The following PALM2AKAP2 variants were observed in gnomAD, a reference collection of about 807,000 sequenced individuals.
PALM2AKAP2 encodes PALM2-AKAP2 fusion protein.
In PALM2AKAP2, 37 loss-of-function variants were observed where a neutral mutation model predicts 71.5. That is an observed-to-expected ratio of 0.52 (90% confidence interval 0.40 to 0.68). PALM2AKAP2 has a LOEUF of 0.68. Ranked by LOEUF, PALM2AKAP2 falls within the 30% of genes least tolerant of loss-of-function variation. The pLI is 0.00. For synonymous variants in PALM2AKAP2, 468 were observed against 478.8 expected, an observed-to-expected ratio of 0.98 and a Z score of 0.29; for missense variants, 1,224 against 1,191.8, an observed-to-expected ratio of 1.03 and a Z score of -0.40.
intron 1 of PALM2AKAP2, among the ~76,000 whole-genome samples, chr9:109,758,312 ATGT>A (rs2118728146): frequency 6.6e-6 from 1 of 152,200 alleles, no homozygotes; most frequent in Non-Finnish European, 1.5e-5. Context: ...ACAGTGAATA[ATGT>A]TGTTCTCATA....
chr9:110,040,748 A>AAT (rs1833497641), intron 7 of PALM2AKAP2, among the ~76,000 whole-genome samples: 1 of 152,244 alleles, frequency 6.6e-6, no homozygotes, highest in South Asian at 2.1e-4. Context: ...AGAAAAATAC[A>AAT]TTTGCATCTA....
chr9:109,870,459 G>A (rs1489267228), intron 2 of PALM2AKAP2, among the ~76,000 whole-genome samples: 1 of 152,148 alleles, frequency 6.6e-6, no homozygotes. Context: ...TCTCCTGGTA[G>A]CCTGTTAGCC....
intron 1 of PALM2AKAP2, among the ~76,000 whole-genome samples, chr9:109,849,630 C>T (rs1415382360): frequency 6.6e-6 from 1 of 151,980 alleles, no homozygotes; most frequent in East Asian, 1.9e-4. Context: ...GTGGCGTGCA[C>T]CTGTAATCCC....
At chr9:110,017,970 C>A (rs997597788) in intron 7 of PALM2AKAP2, among the ~76,000 whole-genome samples, 5 of 152,106 alleles carry the variant, frequency 3.3e-5, no homozygotes, top group Non-Finnish European at 7.4e-5. Flanking sequence ...TCATGGTCCG[C>A]CTGCCTCAGC....
chr9:110,135,936 T>G (rs1452492685), intron 1 of PALM2AKAP2, among the ~76,000 whole-genome samples, 191 bp from the exon 8 acceptor site: 1 of 152,184 alleles, frequency 6.6e-6, no homozygotes, highest in Non-Finnish European at 1.5e-5. Flanking sequence ...AATCCATAAA[T>G]TAGAGAGGAT....
At chr9:109,962,587 A>G (rs1423408832) in intron 6 of PALM2AKAP2, among the ~76,000 whole-genome samples, 1 of 151,970 alleles carries the variant, frequency 6.6e-6, no homozygotes, top group Non-Finnish European at 1.5e-5. Flanking sequence ...TCTCATTCCT[A>G]TTCCTATTCC....
rs377394464 is a variant in PALM2AKAP2 at position 110,005,636 on chromosome 9, G to A, written c.497-10318G>A. Among the ~76,000 whole-genome samples the A allele has an allele frequency of 1.7e-4, 26 of 152,350 alleles. No individual in the cohort carries two copies. In the East Asian group the frequency reaches 1.7e-3, roughly 10 times the overall value. ...CCTGCCCCCAGAGGTGGAGTTTACA[G>A]AGGCAGGCAGGCCTCCTTGAGGTGC... On this transcript the variant is annotated intron_variant, in intron 6 of 9. Coordinates refer to the PALM2AKAP2 transcript ENST00000302798.
intron 1 of PALM2AKAP2, among the ~76,000 whole-genome samples, chr9:109,683,891 T>A (rs986342860): frequency 2.6e-5 from 4 of 152,100 alleles, no homozygotes; most frequent in Non-Finnish European, 4.4e-5. Context: ...TAGTGTATAT[T>A]GGTTATATTA....
chr9:109,890,313 A>AG (rs1159346501), intron 3 of PALM2AKAP2, among the ~76,000 whole-genome samples: 2 of 152,182 alleles, frequency 1.3e-5, no homozygotes, highest in African/African-American at 4.8e-5. Flanking sequence ...TGTAGGCCAC[A>AG]GGGAAGAGTA....
chr9:109,673,992 A>G (rs998086489), intron 1 of PALM2AKAP2, among the ~76,000 whole-genome samples: 1 of 151,796 alleles, frequency 6.6e-6, no homozygotes, highest in African/African-American at 2.4e-5. Flanking sequence ...TATGTTTGTC[A>G]TTTCATGTGA....
intron 1 of PALM2AKAP2, among the ~76,000 whole-genome samples, chr9:109,752,332 G>C (rs150259956): frequency 6.6e-6 from 1 of 152,118 alleles, no homozygotes; most frequent in Non-Finnish European, 1.5e-5. Flanking sequence ...ACTTTCACAT[G>C]CACAGGAATC....
At chr9:109,727,078 G>A (rs1828488027) in intron 1 of PALM2AKAP2, among the ~76,000 whole-genome samples, 1 of 152,202 alleles carries the variant, frequency 6.6e-6, no homozygotes, top group Non-Finnish European at 1.5e-5. Flanking sequence ...GAAATTTTGT[G>A]TCAACAGAGA....
chr9:110,032,847 A>G (rs1234077951), intron 7 of PALM2AKAP2, among the ~76,000 whole-genome samples: 1 of 152,004 alleles, frequency 6.6e-6, no homozygotes, highest in Admixed American at 6.6e-5. Flanking sequence ...CAGGTGGGAG[A>G]ATCACTTGAG....
intron 1 of PALM2AKAP2, among the ~76,000 whole-genome samples, chr9:110,091,035 A>G (rs954364652): frequency 9.9e-5 from 15 of 151,912 alleles, no homozygotes; most frequent in Non-Finnish European, 1.8e-4. Flanking sequence ...GAATGGCCTT[A>G]GGGTTTGAAA....
At chr9:109,977,658 G>T (rs1364827241) in intron 6 of PALM2AKAP2, among the ~76,000 whole-genome samples, 1 of 152,186 alleles carries the variant, frequency 6.6e-6, no homozygotes, top group African/African-American at 2.4e-5. Context: ...TGGAAAAACT[G>T]ACATTTACTG....
At chr9:110,111,602 G>A (rs1299584097) in intron 1 of PALM2AKAP2, among the ~76,000 whole-genome samples, 3 of 152,166 alleles carry the variant, frequency 2.0e-5, no homozygotes, top group African/African-American at 4.8e-5. Flanking sequence ...AAAATGAATT[G>A]CTAAGATGAG....
At chr9:109,867,300 C>T (rs1460121422) in intron 1 of PALM2AKAP2, 191 bp from the exon 2 acceptor site, 1 of 563,018 alleles carries the variant, frequency 1.8e-6, no homozygotes, top group Non-Finnish European at 3.2e-6. Flanking sequence ...GAGCCTACAG[C>T]AGACATGTTA....
chr9:109,834,422 G>A (rs571990859), intron 1 of PALM2AKAP2, among the ~76,000 whole-genome samples: 5 of 152,204 alleles, frequency 3.3e-5, no homozygotes. Flanking sequence ...TTTCACTGAT[G>A]TGCCGGTGAG....
chr9:109,895,953 T>A (rs968540000), intron 3 of PALM2AKAP2, among the ~76,000 whole-genome samples: 1 of 151,726 alleles, frequency 6.6e-6, no homozygotes, highest in African/African-American at 2.4e-5. Flanking sequence ...GGAGGTTGAG[T>A]TGGGTGGATC....
Sources: gnomAD v4.1 joint callset for allele counts (sites outside exome capture counted in the v4.1 genomes callset) on GRCh38, gnomAD v4.1.1 for gene constraint, MANE v1.5 for transcripts, NCBI Gene and HGNC (gene_info 2026-07-23, HGNC 2026-07-21) for gene names.